Variants in NFAM1 observed in about 807,000 individuals in gnomAD.
NFAM1 encodes the protein NFAT activation molecule 1.
A neutral mutation model predicts 29.0 loss-of-function variants in NFAM1; 17 were observed. The ratio of observed to expected loss-of-function variants is 0.59; its 90% CI spans 0.40 to 0.88. The LOEUF is 0.88. Among genes scored for constraint, NFAM1 ranks in the 40% least tolerant of loss-of-function variants. The pLI is 0.00. For missense variants in NFAM1, 324 were observed against 344.6 expected (o/e 0.94, Z 0.47); for synonymous variants, 175 against 147.2 (o/e 1.19, Z -1.36).
rs116498512 is a variant in NFAM1, at chr22:42,385,181, G to A, written c.793C>T (p.Leu265=). 9.5e-4 allele frequency: 1,529 copies of A among 1,613,428 alleles called. 18 individuals carry two copies. In the African/African-American group the frequency reaches 0.019, roughly 20 times the overall value. The change falls in exon 6 of 6, where the codon CTG becomes TTG. Residue 265 remains leucine, a synonymous_variant. Transcript: ENST00000329021. The part of the protein sequence containing the change: ...HRFEDDGELN[L]VYENL ...CCATCCTAGAGATTTTCATAGACCA[G>A]GTTAAGTTCGCCATCATCTTCGAAT...
At chr22:42,389,367 C>T (rs969307920) in intron 4 of NFAM1, among the ~76,000 whole-genome samples, 6 of 152,136 alleles carry the variant, frequency 3.9e-5, no homozygotes, top group African/African-American at 4.8e-5. Flanking sequence ...GGGGAGGCTG[C>T]GGAGGTGGCC....
intron 3 of NFAM1, among the ~76,000 whole-genome samples, chr22:42,408,952 C>T (rs1042921162): frequency 2.0e-5 from 3 of 152,124 alleles, no homozygotes; most frequent in African/African-American, 7.2e-5. Flanking sequence ...CGTCATGGAG[C>T]TATGCTGGAG....
chr22:42,401,270 G>A (rs1283365356), intron 3 of NFAM1, among the ~76,000 whole-genome samples: 1 of 152,250 alleles, frequency 6.6e-6, no homozygotes, highest in African/African-American at 2.4e-5. Context: ...GGGGGCAGGA[G>A]TGTCATGGAT....
At chr22:42,425,638 G>T (rs537644256) in intron 1 of NFAM1, among the ~76,000 whole-genome samples, 4 of 152,214 alleles carry the variant, frequency 2.6e-5, no homozygotes, top group Admixed American at 6.5e-5. Flanking sequence ...GGTCAGCAAA[G>T]ATGCTGGTGG....
chr22:42,433,044 C>T (rs895411386), upstream of NFAM1, among the ~76,000 whole-genome samples: 1 of 152,210 alleles, frequency 6.6e-6, no homozygotes, highest in African/African-American at 2.4e-5. Flanking sequence ...TTAGCTCACT[C>T]GGCCTCCCAA....
chr22:42,430,795 A>T (rs1930772493), intron 1 of NFAM1, among the ~76,000 whole-genome samples: 1 of 152,234 alleles, frequency 6.6e-6, no homozygotes, highest in South Asian at 2.1e-4. Flanking sequence ...CTCGGTTACC[A>T]GGGTGTGCTG....
intron 3 of NFAM1, among the ~76,000 whole-genome samples, chr22:42,406,811 G>C (rs1332835186): frequency 1.3e-5 from 2 of 151,930 alleles, no homozygotes; most frequent in African/African-American, 4.8e-5. Flanking sequence ...GTCTCACTCT[G>C]TCGCCCAGGC....
In NFAM1 at chr22:42,419,239, C is replaced by A. The variant is rs528486552; in HGVS notation, c.122-7503G>T. ...ATCCCTCCAACTCAACAGCTCCCAT[C>A]CAGTCCCCTCTCCTGCCCAACCAGG... is the stretch of plus-strand genomic sequence containing the variant. On this transcript the variant is annotated intron_variant, in intron 1 of 5. Transcript: ENST00000329021. The surrounding 1 kb of genome is among the most constrained non-coding windows in gnomAD (Gnocchi z 4.5). Among the ~76,000 whole-genome samples, 23 of 152,246 alleles carry A rather than the reference C, an allele frequency of 1.5e-4. No individual in the cohort carries two copies. Among genetic ancestry groups the A allele is most frequent in the African/African-American group, 5.3e-4 (22 of 41,556 alleles).
chr22:42,407,427 G>C (rs1015783641), intron 3 of NFAM1, among the ~76,000 whole-genome samples: 2 of 151,894 alleles, frequency 1.3e-5, no homozygotes, highest in African/African-American at 4.8e-5. Context: ...GGAGTGCACT[G>C]GTGTGATCTC....
At chr22:42,422,172 G>A (rs960206339) in intron 1 of NFAM1, among the ~76,000 whole-genome samples, 4 of 152,072 alleles carry the variant, frequency 2.6e-5, no homozygotes, top group Non-Finnish European at 5.9e-5. Context: ...TCATTTTCAT[G>A]CCTCTAGACC....
chr22:42,386,364 A>G (rs150174164), intron 5 of NFAM1, among the ~76,000 whole-genome samples: 1,555 of 151,170 alleles, frequency 0.01, 25 homozygotes, highest in African/African-American at 0.036. Flanking sequence ...ATGGAGCAAG[A>G]CTCTGTCTCA....
intron 5 of NFAM1, among the ~76,000 whole-genome samples, chr22:42,385,999 G>A (rs1469431001): frequency 6.6e-6 from 1 of 152,182 alleles, no homozygotes; most frequent in Non-Finnish European, 1.5e-5. Context: ...TATTCAGCTT[G>A]GAACACATTT....
intron 5 of NFAM1, among the ~76,000 whole-genome samples, chr22:42,386,494 T>C (rs1020399776): frequency 8.1e-5 from 12 of 148,878 alleles, no homozygotes; most frequent in African/African-American, 3.0e-4. Flanking sequence ...ATCATGACAA[T>C]CACAGAACCC....
chr22:42,408,652 C>T (rs566969504), intron 3 of NFAM1, among the ~76,000 whole-genome samples: 19 of 152,372 alleles, frequency 1.2e-4, no homozygotes, highest in South Asian at 1.2e-3. Context: ...AAGACTGCCT[C>T]GGCCTCTGGC....
At chr22:42,404,041 G>T (rs1601745497) in intron 3 of NFAM1, among the ~76,000 whole-genome samples, 1 of 152,208 alleles carries the variant, frequency 6.6e-6, no homozygotes, top group East Asian at 1.9e-4. Context: ...TCCATTCCTG[G>T]GCTCTACCCC....
chr22:42,429,162 A>G (rs368239284), intron 1 of NFAM1, among the ~76,000 whole-genome samples: 216 of 152,360 alleles, frequency 1.4e-3, no homozygotes, highest in African/African-American at 5.1e-3. Flanking sequence ...CGAGGCTGGC[A>G]GGTGGCTGAC....
chr22:42,434,417 G>A (rs1309529028), upstream of NFAM1, among the ~76,000 whole-genome samples: 2 of 152,198 alleles, frequency 1.3e-5, no homozygotes, highest in Non-Finnish European at 2.9e-5. Context: ...GCCCTGGGCT[G>A]TGGAGCGCAG....
At chr22:42,430,556 C>CAAAAAA (rs10684230) in intron 1 of NFAM1, among the ~76,000 whole-genome samples, 55 of 72,940 alleles carry the variant, frequency 7.5e-4, no homozygotes, top group African/African-American at 2.9e-3. Flanking sequence ...GTGAAACTCT[C>CAAAAAA]AAAAAAAAAA....
At chr22:42,433,098 G>A (rs1930859481), upstream of NFAM1, among the ~76,000 whole-genome samples, 1 of 152,228 alleles carries the variant, frequency 6.6e-6, no homozygotes, top group African/African-American at 2.4e-5. Context: ...GCAGGTCACA[G>A]CCCCTGCTCT....
Sources: allele counts gnomAD v4.1 joint callset (sites outside exome capture counted in the v4.1 genomes callset), GRCh38; gene constraint gnomAD v4.1.1; non-coding constraint Gnocchi (gnomAD v3.1); transcripts MANE v1.5; gene names NCBI Gene and HGNC (gene_info 2026-07-23, HGNC 2026-07-21).